PDZD2: variants seen among roughly 807,000 people sequenced by gnomAD.
PDZD2 encodes PDZ domain-containing protein 2.
In PDZD2, 90 loss-of-function variants were observed where a neutral mutation model predicts 220.7. The observed-to-expected ratio is 0.41, with a 90% CI of 0.34 to 0.49. PDZD2 has a LOEUF of 0.49. PDZD2 is among the 20% of genes least tolerant of loss of function. The probability of loss-of-function intolerance (pLI) is 0.28; values close to 1 mark genes in which losing one functional copy is unlikely to be tolerated. For synonymous variants in PDZD2, 1,375 were observed against 1,450.5 expected (o/e 0.95, Z 1.18); for missense variants, 3,174 against 3,608.5 (o/e 0.88, Z 3.08).
chr5:32,065,166 G>A lies in PDZD2; in HGVS notation c.2451+4032G>A, dbSNP rs6893844. On this transcript the variant is annotated intron_variant, in intron 14 of 24. Coordinates refer to ENST00000438447, the MANE Select transcript of PDZD2 (RefSeq NM_178140.4). ...AATACAAAAATTAGCCAGTGTAGTGGTGCATACCTGTAATCCTAGCTACTC... is the reference window on the plus strand; with the variant it reads ...AATACAAAAATTAGCCAGTGTAGTGATGCATACCTGTAATCCTAGCTACTC... Among the ~76,000 whole-genome samples, 388 of 151,986 alleles carry A rather than the reference G, an allele frequency of 2.6e-3. 4 individuals are homozygous for A. The highest frequency in any genetic ancestry group is 8.6e-3 in the African/African-American group (358 of 41,434).
chr5:32,091,915 C>A (rs966177105), intron 20 of PDZD2, among the ~76,000 whole-genome samples: 4 of 152,120 alleles, frequency 2.6e-5, no homozygotes, highest in Non-Finnish European at 4.4e-5. Flanking sequence ...GAGAGCACAG[C>A]ACGGGGGAAT....
chr5:31,854,930 C>G (rs910318223), intron 2 of PDZD2: 11 of 981,464 alleles, frequency 1.1e-5, no homozygotes, highest in Non-Finnish European at 1.3e-5. Flanking sequence ...GGGGTCCTCC[C>G]ACAGACCTGG....
intron 1 of PDZD2, among the ~76,000 whole-genome samples, chr5:31,676,765 G>A (rs1486261903): frequency 6.6e-6 from 1 of 151,908 alleles, no homozygotes; most frequent in Non-Finnish European, 1.5e-5. Flanking sequence ...TGTTGGCCAG[G>A]CTGGTCTCCA....
Position 31,643,617 on chromosome 5 carries a change from A to G in PDZD2, c.-361+4180A>G, listed in dbSNP as rs538838370. ...ATCTGGGGAACTCTTGTCTTTCAAT[A>G]GCAGTGGTGTTGGCCAAGATGCAGG... On this transcript the variant is annotated intron_variant, in intron 1 of 24. Transcript: ENST00000438447. Among the ~76,000 whole-genome samples the G allele has an allele frequency of 4.6e-3, 706 of 152,332 alleles. 2 individuals carry two copies. Among genetic ancestry groups the G allele is most frequent in the Non-Finnish European group, 7.2e-3 (487 of 68,034 alleles).
intron 24 of PDZD2, among the ~76,000 whole-genome samples, chr5:32,102,793 AC>A (rs1744376508): frequency 6.6e-6 from 1 of 152,166 alleles, no homozygotes; most frequent in African/African-American, 2.4e-5. Flanking sequence ...TGTAAAAAAA[AC>A]AAAATGCAAG....
Position 32,000,981 on chromosome 5 carries a change from C to T in PDZD2, c.1254+710C>T, listed in dbSNP as rs1411535823. Among the ~76,000 whole-genome samples, 1 of 152,224 alleles carries T rather than the reference C, an allele frequency of 6.6e-6. No homozygotes were observed. Among genetic ancestry groups the T allele is most frequent in the South Asian group, 2.1e-4 (1 of 4,836 alleles). ...GCCTCCTGTCAGATCAGCGGCGGCA[C>T]TGGACTCTCATAGGAATGCGAGCCC... On this transcript the variant is annotated intron_variant, in intron 5 of 24. Coordinates refer to ENST00000438447, the MANE Select transcript of PDZD2 (RefSeq NM_178140.4). The surrounding 1 kb of genome is among the most constrained non-coding windows in gnomAD (Gnocchi z 4.5).
intron 6 of PDZD2, 127 bp from the exon 7 acceptor site, chr5:32,037,104 G>C: frequency 1.1e-5 from 7 of 635,016 alleles, no homozygotes. Flanking sequence ...TTGATCCCGT[G>C]GTCCTTCTTC....
At chr5:32,018,546 C>G (rs1401386742) in intron 6 of PDZD2, among the ~76,000 whole-genome samples, 2 of 152,234 alleles carry the variant, frequency 1.3e-5, no homozygotes, top group African/African-American at 4.8e-5. Flanking sequence ...TCATTGCCTT[C>G]CCAGACACCA....
chr5:31,871,012 C>T (rs1464180661), intron 2 of PDZD2, among the ~76,000 whole-genome samples: 2 of 152,016 alleles, frequency 1.3e-5, no homozygotes, highest in Non-Finnish European at 2.9e-5. Flanking sequence ...GTAAAAATGC[C>T]AATGCCACTG....
intron 1 of PDZD2, among the ~76,000 whole-genome samples, chr5:31,786,275 G>A (rs1248898255): frequency 6.6e-6 from 1 of 152,120 alleles, no homozygotes; most frequent in Non-Finnish European, 1.5e-5. Flanking sequence ...GAAGGGAGAG[G>A]GTGGAGCTCA....
At chr5:31,758,091 G>A (rs777646565) in intron 1 of PDZD2, among the ~76,000 whole-genome samples, 1 of 152,350 alleles carries the variant, frequency 6.6e-6, no homozygotes, top group Non-Finnish European at 1.5e-5. Flanking sequence ...GACAGGCGCT[G>A]GCAGCTCCGT....
intron 1 of PDZD2, among the ~76,000 whole-genome samples, chr5:31,690,335 G>A (rs1164376703): frequency 6.6e-6 from 1 of 152,104 alleles, no homozygotes; most frequent in Non-Finnish European, 1.5e-5. Context: ...GGAATGTGCT[G>A]TGCATGCTCA....
At chr5:32,040,462 C>T (rs1161585479) in intron 7 of PDZD2, among the ~76,000 whole-genome samples, 2 of 147,290 alleles carry the variant, frequency 1.4e-5, no homozygotes, top group East Asian at 2.1e-4. Flanking sequence ...ATGTGAGGAG[C>T]GCCTCTGCCC....
At chr5:32,019,532 A>G (rs1436674374) in intron 6 of PDZD2, among the ~76,000 whole-genome samples, 1 of 152,192 alleles carries the variant, frequency 6.6e-6, no homozygotes, top group Non-Finnish European at 1.5e-5. Context: ...AAGCCAGATG[A>G]TCCCTTGGGG....
chr5:31,789,073 G>A (rs1293805301), intron 1 of PDZD2, among the ~76,000 whole-genome samples: 1 of 152,240 alleles, frequency 6.6e-6, no homozygotes, highest in African/African-American at 2.4e-5. Flanking sequence ...GCTTAGACAA[G>A]ATAGGTGCCT....
At chr5:31,912,820 T>C (rs1323334431) in intron 2 of PDZD2, among the ~76,000 whole-genome samples, 4 of 152,172 alleles carry the variant, frequency 2.6e-5, no homozygotes, top group Non-Finnish European at 5.9e-5. Flanking sequence ...TATTTGGAGT[T>C]CATAGGGTGA....
At chr5:31,920,249 A>C (rs1342656442) in intron 2 of PDZD2, among the ~76,000 whole-genome samples, 1 of 151,988 alleles carries the variant, frequency 6.6e-6, no homozygotes, top group Non-Finnish European at 1.5e-5. Context: ...GCGCCACTGC[A>C]CTCCAGCCTT....
chr5:31,976,582 G>A (rs182651375), intron 2 of PDZD2, among the ~76,000 whole-genome samples: 4 of 152,040 alleles, frequency 2.6e-5, no homozygotes, highest in Admixed American at 2.6e-4. Context: ...GATGAAGTAA[G>A]AGTGCCTGCT....
Position 31,698,796 on chromosome 5 carries a change from G to A in PDZD2, c.-361+59359G>A, listed in dbSNP as rs188512492. ...GGTGGCCCCAAGGTTACACGAGGAA[G>A]TACCTGCACAAGGAAGTACCTGCAG... On this transcript the variant is annotated intron_variant, in intron 1 of 24. Transcript: ENST00000438447. Among the ~76,000 whole-genome samples, 675 of 152,304 alleles carry A rather than the reference G, an allele frequency of 4.4e-3. 7 individuals carry two copies. Among genetic ancestry groups the A allele is most frequent in the African/African-American group, 0.015 (642 of 41,554 alleles).
Sources: allele counts gnomAD v4.1 joint callset (sites outside exome capture counted in the v4.1 genomes callset), GRCh38; gene constraint gnomAD v4.1.1; non-coding constraint Gnocchi (gnomAD v3.1); transcripts MANE v1.5; gene names NCBI Gene and HGNC (gene_info 2026-07-23, HGNC 2026-07-21).